NUP133: variants seen among roughly 807,000 people sequenced by gnomAD.
NUP133 encodes the protein nuclear pore complex protein Nup133.
In NUP133, 66 loss-of-function variants were observed where a neutral mutation model predicts 146.2. That is an observed-to-expected ratio of 0.45 (90% CI 0.37 to 0.55). The LOEUF (loss-of-function observed/expected upper bound fraction) is 0.55, where lower values mean the gene tolerates loss of function less well. Among genes scored for constraint, NUP133 ranks in the 20% least tolerant of loss-of-function variants. The pLI is 0.00. For synonymous variants in NUP133, 521 were observed against 498.8 expected, an observed-to-expected ratio of 1.04 and a Z score of -0.59; for missense variants, 1,277 against 1,374.8, an observed-to-expected ratio of 0.93 and a Z score of 1.12.
intron 12 of NUP133, among the ~76,000 whole-genome samples, chr1:229,480,761 A>C (rs1034964023): frequency 2.0e-5 from 3 of 151,764 alleles, no homozygotes; most frequent in Admixed American, 1.3e-4. Flanking sequence ...ATCTCGGCTC[A>C]CTACAACCTC....
Position 229,470,936 on chromosome 1 carries a change from G to A in NUP133, c.1852-132C>T. On this transcript the variant is annotated intron_variant, in intron 14 of 25. Transcript: ENST00000261396. ...TTTCCCCCAGCAAGTCCCTCCAGCT[G>A]TCTCTTGTTTTAACTGTTTCTAACA... 3 of 704,170 alleles carry A rather than the reference G, an allele frequency of 4.3e-6. No individual in the cohort carries two copies. In the South Asian group the frequency reaches 5.3e-5, roughly 13 times the overall value. The allele number at this position is 704,170 out of a possible 1,614,324, so 43.6% of individuals were successfully genotyped here.
At chr1:229,443,197 A>C (rs926107115) in intron 25 of NUP133, among the ~76,000 whole-genome samples, 1 of 149,076 alleles carries the variant, frequency 6.7e-6, no homozygotes, top group Non-Finnish European at 1.5e-5. Flanking sequence ...CACGAAGCCT[A>C]GCTAATTTTT....
At chr1:229,457,243 T>C (rs1307527436) in intron 21 of NUP133, among the ~76,000 whole-genome samples, 1 of 152,202 alleles carries the variant, frequency 6.6e-6, no homozygotes, top group South Asian at 2.1e-4. Context: ...ACCCATCACC[T>C]CAAGCAAGAA....
intron 12 of NUP133, among the ~76,000 whole-genome samples, chr1:229,483,575 C>T (rs1025222566): frequency 6.6e-6 from 1 of 151,714 alleles, no homozygotes; most frequent in Non-Finnish European, 1.5e-5. Flanking sequence ...TGTAGTGGTA[C>T]ACGCCTGCAG....
chr1:229,499,662 T>A, intron 5 of NUP133, 22 bp downstream of exon 5: 1 of 1,585,214 alleles, frequency 6.3e-7, no homozygotes, highest in Non-Finnish European at 8.6e-7. Context: ...CCAATAAATA[T>A]AAAGGAATAT....
intron 14 of NUP133, among the ~76,000 whole-genome samples, chr1:229,471,328 T>C (rs931648339): frequency 6.6e-6 from 1 of 152,144 alleles, no homozygotes; most frequent in African/African-American, 2.4e-5. Context: ...AGGCTGATCT[T>C]GGCCACAAGA....
At chr1:229,454,468 A>C (rs1370776194) in intron 21 of NUP133, among the ~76,000 whole-genome samples, 1 of 152,220 alleles carries the variant, frequency 6.6e-6, no homozygotes, top group East Asian at 1.9e-4. Context: ...ACAAAACAGT[A>C]CCAGTGGCTA....
chr1:229,463,228 A>G (rs1333092094), intron 19 of NUP133, among the ~76,000 whole-genome samples: 1 of 152,076 alleles, frequency 6.6e-6, no homozygotes, highest in Non-Finnish European at 1.5e-5. Context: ...GTCTCTACTG[A>G]AAAATGAACA....
chr1:229,463,814 C>T, intron 18 of NUP133, 138 bp from the exon 19 acceptor site: 1 of 948,718 alleles, frequency 1.1e-6, no homozygotes, highest in Non-Finnish European at 1.5e-6. Flanking sequence ...TTCCCACTTA[C>T]TGGCACTTAG....
At chr1:229,446,324 G>A (rs904438703) in intron 24 of NUP133, among the ~76,000 whole-genome samples, 4 of 152,042 alleles carry the variant, frequency 2.6e-5, no homozygotes, top group Non-Finnish European at 5.9e-5. Context: ...TAGGAGAATC[G>A]CTTGAACTTG....
intron 21 of NUP133, among the ~76,000 whole-genome samples, chr1:229,454,445 T>C (rs780578925): frequency 6.6e-6 from 1 of 152,180 alleles, no homozygotes; most frequent in Non-Finnish European, 1.5e-5. Context: ...AAAATCAGAC[T>C]GGGAGGAAAC....
chr1:229,452,662 G>T lies in NUP133; in HGVS notation c.2981-19C>A. ...GCCATTTCTAGTATTCAAGATGAGA[G>T]GGAGGGAAAGAGAATATGATGAAAT... On this transcript the variant is annotated intron_variant, in intron 21 of 25. Coordinates refer to ENST00000261396, the MANE Select transcript of NUP133 (RefSeq NM_018230.3). The T allele has an allele frequency of 6.5e-7, 1 of 1,546,988 alleles. No homozygotes were observed. Among genetic ancestry groups the T allele is most frequent in the South Asian group, 1.1e-5 (1 of 87,360 alleles).
chr1:229,499,916 T>C (rs1482172195), intron 4 of NUP133, 98 bp from the exon 5 acceptor site: 15 of 1,385,534 alleles, frequency 1.1e-5, no homozygotes, highest in Non-Finnish European at 1.5e-5. Flanking sequence ...GACAATTTAC[T>C]ATTTGATCAA....
At chr1:229,452,189 ATAG>A (rs1660467588) in intron 22 of NUP133, among the ~76,000 whole-genome samples, 1 of 152,162 alleles carries the variant, frequency 6.6e-6, no homozygotes, top group Non-Finnish European at 1.5e-5. Flanking sequence ...ATTTTTTCTT[ATAG>A]AAGAGCTTGA....
At chr1:229,451,592 A>C (rs962436262) in intron 22 of NUP133, among the ~76,000 whole-genome samples, 2 of 152,128 alleles carry the variant, frequency 1.3e-5, no homozygotes, top group African/African-American at 4.8e-5. Flanking sequence ...TAAAAATATC[A>C]ATTTGAATTT....
chr1:229,489,898 G>A (rs1465362864), intron 9 of NUP133, 57 bp downstream of exon 9: 2 of 1,422,418 alleles, frequency 1.4e-6, no homozygotes, highest in Non-Finnish European at 1.9e-6. Flanking sequence ...ACCCTGAAAT[G>A]GTTAGAAAAA....
intron 16 of NUP133, 65 bp downstream of exon 16, chr1:229,466,569 A>G: frequency 6.4e-7 from 1 of 1,562,332 alleles, no homozygotes; most frequent in Non-Finnish European, 8.8e-7. Flanking sequence ...GAACATGGAA[A>G]CCAGTTCCTT....
intron 5 of NUP133, chr1:229,499,255 T>C (rs775540399): frequency 6.4e-6 from 3 of 470,710 alleles, no homozygotes; most frequent in South Asian, 1.5e-5. Flanking sequence ...TTCTTTATAG[T>C]GTCTGACAGT....
intron 14 of NUP133, among the ~76,000 whole-genome samples, chr1:229,471,451 C>T (rs920921930): frequency 3.3e-5 from 5 of 152,102 alleles, no homozygotes; most frequent in Admixed American, 1.3e-4. Flanking sequence ...TCAATTAACT[C>T]CCCTAGGTTC....
Sources: allele counts gnomAD v4.1 joint callset (sites outside exome capture counted in the v4.1 genomes callset), GRCh38; gene constraint gnomAD v4.1.1; transcripts MANE v1.5; gene names NCBI Gene and HGNC (gene_info 2026-07-23, HGNC 2026-07-21).